Variants in CFAP61 observed in about 807,000 individuals in gnomAD.
CFAP61 encodes the protein cilia- and flagella-associated protein 61.
CFAP61 carries 107 observed loss-of-function variants against 135.6 expected under a neutral mutation model. The observed-to-expected ratio is 0.79, with a 90% CI of 0.67 to 0.93. The LOEUF (loss-of-function observed/expected upper bound fraction) is 0.93, where lower values mean the gene tolerates loss of function less well. CFAP61 is among the 40% of genes least tolerant of loss of function. The probability of loss-of-function intolerance (pLI) is 0.00; values close to 1 mark genes in which losing one functional copy is unlikely to be tolerated. For missense variants in CFAP61, 1,507 were observed against 1,556.2 expected (o/e 0.97, Z 0.53); for synonymous variants, 575 against 578.5 (o/e 0.99, Z 0.09).
At chr20:20,328,584 CA>C (rs201326875) in intron 25 of CFAP61, among the ~76,000 whole-genome samples, 5 of 149,186 alleles carry the variant, frequency 3.4e-5, no homozygotes, top group South Asian at 2.1e-4. Context: ...GAAACAATTT[CA>C]AAAAAAAAGG....
chr20:20,070,971 G>T lies in CFAP61; in HGVS notation c.261G>T (p.Val87=). ...NVAKQDDWVS[V]FRELDSDIPC... is the part of the protein sequence containing the mutation. ...CCAAGCAGGATGACTGGGTGTCAGT[G>T]TTCCGGGAGCTCGACAGTGACATCC... Residue 87 remains valine (V), a synonymous_variant, in exon 3 of 27, where the codon GTG becomes GTT. Transcript: ENST00000245957. 1 of 1,614,190 alleles carries T rather than the reference G, an allele frequency of 6.2e-7. No homozygotes were observed. Among genetic ancestry groups the T allele is most frequent in the Non-Finnish European group, 8.5e-7 (1 of 1,180,010 alleles).
chr20:20,087,730 G>T (rs910970487), intron 6 of CFAP61, among the ~76,000 whole-genome samples: 1 of 151,918 alleles, frequency 6.6e-6, no homozygotes, highest in Non-Finnish European at 1.5e-5. Flanking sequence ...CTTTTTTAAC[G>T]TTTGCTATTT....
At chr20:20,207,969 A>G (rs2056929566) in intron 17 of CFAP61, among the ~76,000 whole-genome samples, 1 of 152,162 alleles carries the variant, frequency 6.6e-6, no homozygotes, top group Non-Finnish European at 1.5e-5. Flanking sequence ...AAGTATTGTA[A>G]AGTGTGATTT....
At chr20:20,181,756 T>G (rs1415618823) in intron 13 of CFAP61, among the ~76,000 whole-genome samples, 1 of 152,146 alleles carries the variant, frequency 6.6e-6, no homozygotes, top group Non-Finnish European at 1.5e-5. Context: ...CAAGGTAGCT[T>G]TAGAACTATG....
chr20:20,251,675 T>C lies in CFAP61; in HGVS notation c.2240T>C (p.Ile747Thr), dbSNP rs755176798. ...GTCGTGGTGGGTAGAATGACCGGCATAGACCGAGCAGCCAAGCACGTTGTG... is the reference window on the plus strand; with the variant it reads ...GTCGTGGTGGGTAGAATGACCGGCACAGACCGAGCAGCCAAGCACGTTGTG... ...VNVVVGRMTGIDRAAKHVVLS... is the reference protein window; with the variant it reads ...VNVVVGRMTGTDRAAKHVVLS... Residue 747 changes from isoleucine (I) to threonine (T), a missense_variant, in exon 20 of 27, where the codon ATA becomes ACA. Ile to Thr is a moderately conservative substitution (Grantham distance 89). Transcript: ENST00000245957. The C allele has an allele frequency of 6.2e-7, 1 of 1,614,248 alleles. No individual in the cohort carries two copies. Among genetic ancestry groups the C allele is most frequent in the Middle Eastern group, 1.7e-4 (1 of 6,060 alleles).
intron 6 of CFAP61, among the ~76,000 whole-genome samples, chr20:20,076,314 A>G (rs1206152086): frequency 2.6e-5 from 4 of 152,160 alleles, no homozygotes; most frequent in African/African-American, 4.8e-5. Context: ...AGCCAGCCAT[A>G]TGTAAGAAGT....
At chr20:20,240,056 C>T (rs1170464199) in intron 18 of CFAP61, among the ~76,000 whole-genome samples, 1 of 152,058 alleles carries the variant, frequency 6.6e-6, no homozygotes, top group Non-Finnish European at 1.5e-5. Flanking sequence ...TTGGCCAAAG[C>T]TTTGATGGAG....
At chr20:20,099,885 C>T (rs771457442) in intron 8 of CFAP61, among the ~76,000 whole-genome samples, 7 of 152,154 alleles carry the variant, frequency 4.6e-5, no homozygotes, top group Admixed American at 6.5e-5. Context: ...GCATAAACCC[C>T]GTGCACAGTG....
chr20:20,354,951 T>TGTGA (rs1569329475), intron 26 of CFAP61, among the ~76,000 whole-genome samples: 2 of 9,818 alleles, frequency 2.0e-4, no homozygotes, highest in Admixed American at 1.4e-3. Flanking sequence ...GTGGTCACAC[T>TGTGA]GAGGGGAAGT....
chr20:20,102,826 G>A (rs1045834406), intron 8 of CFAP61, among the ~76,000 whole-genome samples: 1 of 152,082 alleles, frequency 6.6e-6, no homozygotes, highest in Non-Finnish European at 1.5e-5. Context: ...TTCCCTGCCA[G>A]CTGTGAAAAC....
At chr20:20,253,567 T>C in intron 20 of CFAP61, 1 of 493,342 alleles carries the variant, frequency 2.0e-6, no homozygotes, top group Non-Finnish European at 4.0e-6. Context: ...TCTGCATTTT[T>C]AAGCATGTGC....
At chr20:20,171,307 T>C (rs753844056) in intron 13 of CFAP61, among the ~76,000 whole-genome samples, 24 of 152,326 alleles carry the variant, frequency 1.6e-4, no homozygotes, top group Admixed American at 1.2e-3. Flanking sequence ...CTAAGGAGAA[T>C]ACCAGCTTTT....
chr20:20,304,352 C>G lies in CFAP61; in HGVS notation c.3422+5966C>G, dbSNP rs374627907. 3.2e-4 allele frequency among the ~76,000 whole-genome samples: 47 copies of G among 148,866 alleles called. No individual in the cohort carries two copies. The East Asian group carries it at 6.0e-3, about 19-fold the overall frequency. On this transcript the variant is annotated intron_variant, in intron 25 of 26. Coordinates refer to ENST00000245957, the MANE Select transcript of CFAP61 (RefSeq NM_015585.4). ...AGAATTTGATCAATGGATTGATTTA[C>G]TACTTTGGAAAAAGAATAGAGCCAA...
chr20:20,201,051 A>G (rs1451141267), intron 17 of CFAP61: 3 of 753,304 alleles, frequency 4.0e-6, no homozygotes, highest in Non-Finnish European at 4.9e-6. Flanking sequence ...TTCTCAATCT[A>G]TCTGTCCTTT....
At chr20:20,152,652 C>A (rs1350649259) in intron 9 of CFAP61, among the ~76,000 whole-genome samples, 1 of 152,080 alleles carries the variant, frequency 6.6e-6, no homozygotes, top group African/African-American at 2.4e-5. Flanking sequence ...TTTAAAAAAT[C>A]AGTCCTACAG....
At chr20:20,138,218 G>A (rs1009773933) in intron 8 of CFAP61, among the ~76,000 whole-genome samples, 1 of 152,202 alleles carries the variant, frequency 6.6e-6, no homozygotes, top group Non-Finnish European at 1.5e-5. Flanking sequence ...TGCGGTGCCT[G>A]GGATTAGGGG....
intron 8 of CFAP61, among the ~76,000 whole-genome samples, chr20:20,127,407 G>T (rs540472468): frequency 1.3e-5 from 2 of 151,780 alleles, no homozygotes; most frequent in Admixed American, 1.3e-4. Context: ...TGTCCCACAG[G>T]GTGTTCCTTT....
intron 23 of CFAP61, 38 bp from the exon 24 acceptor site, chr20:20,290,262 C>T: frequency 7.7e-7 from 1 of 1,297,160 alleles, no homozygotes; most frequent in Non-Finnish European, 1.1e-6. Flanking sequence ...ACCTCATTAA[C>T]AATTAATTTT....
At chr20:20,253,493 T>C in intron 20 of CFAP61, 1 of 424,430 alleles carries the variant, frequency 2.4e-6, no homozygotes, top group South Asian at 1.9e-5. Context: ...CTTGGGTACT[T>C]TGTTCACCTG....
Sources: allele counts gnomAD v4.1 joint callset (sites outside exome capture counted in the v4.1 genomes callset), GRCh38; gene constraint gnomAD v4.1.1; transcripts MANE v1.5; gene names NCBI Gene and HGNC (gene_info 2026-07-23, HGNC 2026-07-21).